Variants in ANXA6 observed in about 807,000 individuals in gnomAD.
ANXA6 encodes the protein annexin A6.
ANXA6 carries 71 observed loss-of-function variants against 95.4 expected under a neutral mutation model. The ratio of observed to expected loss-of-function variants is 0.74; its 90% confidence interval spans 0.61 to 0.91. The LOEUF (loss-of-function observed/expected upper bound fraction) is 0.91. ANXA6 is among the 40% of genes least tolerant of loss of function. The pLI, the probability that ANXA6 is intolerant of heterozygous loss-of-function variation, is 0.00. For synonymous variants in ANXA6, 289 were observed against 315.9 expected (o/e 0.91, Z 0.90); for missense variants, 830 against 876.4 (o/e 0.95, Z 0.67).
rs1765326100 is a variant in ANXA6 at position 151,126,572 on chromosome 5, C to CACACACA, written c.978-93_978-92insTGTGTGT. 1.3e-5 allele frequency: 11 copies of CACACACA among 834,948 alleles called. No homozygotes were observed. The South Asian group carries it at 1.4e-4, about 11-fold the overall frequency. The allele number at this position is 834,948 out of a possible 1,614,324, so 51.7% of individuals were successfully genotyped here. A position where few individuals can be genotyped will look rare whatever the true frequency, so the allele number is the denominator to read the frequency against. ...CACACACACACACACACACACACAC[C>CACACACA]CCAACACATACACACACGTGCACAC... is the stretch of plus-strand genomic sequence containing the variant. On this transcript the variant is annotated intron_variant, in intron 13 of 25. Coordinates refer to ENST00000354546, the MANE Select transcript of ANXA6 (RefSeq NM_001155.5).
chr5:151,106,741 C>T (rs1418682452), intron 23 of ANXA6, among the ~76,000 whole-genome samples: 1 of 152,180 alleles, frequency 6.6e-6, no homozygotes, highest in East Asian at 1.9e-4. Flanking sequence ...TGACTTCAGA[C>T]CTAGGGCTTT....
chr5:151,117,270 T>A (rs1199610241), intron 19 of ANXA6, 90 bp from the exon 20 acceptor site: 4 of 1,281,204 alleles, frequency 3.1e-6, no homozygotes, highest in Non-Finnish European at 4.3e-6. Flanking sequence ...TTTTCACCTC[T>A]CTGAATGCTC....
Position 151,117,761 on chromosome 5 carries a change from G to A in ANXA6, c.1515C>T (p.Ala505=), listed in dbSNP as rs753869090. 1.9e-6 allele frequency: 3 copies of A among 1,613,402 alleles called. No individual in the cohort carries two copies. Among genetic ancestry groups the A allele is most frequent in the East Asian group, 2.2e-5 (1 of 44,864 alleles). The part of the protein sequence containing the change: ...GHFRRILISL[A]TGHREEGGEN... ...TGGGGCCCATGAATTCACTCACCGT[G>A]GCCAGAGAAATGAGGATCCTCCTGA... The change falls in exon 19 of 26, where the codon GCC becomes GCT. Residue 505 remains alanine (A), a synonymous_variant. Transcript: ENST00000354546.
At chr5:151,128,415 G>A (rs1235578716) in intron 12 of ANXA6, 176 bp from the exon 13 acceptor site, 2 of 593,280 alleles carry the variant, frequency 3.4e-6, no homozygotes, top group Non-Finnish European at 6.0e-6. Context: ...CGGGCAGGTT[G>A]GAGGAAGCCC....
chr5:151,138,311 G>A (rs963237944), intron 5 of ANXA6, among the ~76,000 whole-genome samples: 9 of 152,088 alleles, frequency 5.9e-5, no homozygotes, highest in African/African-American at 1.9e-4. Flanking sequence ...TCTGGGCTTT[G>A]GGGCTTAACT....
chr5:151,133,068 A>G (rs777058244), intron 9 of ANXA6, 26 bp downstream of exon 9: 1 of 1,534,610 alleles, frequency 6.5e-7, no homozygotes, highest in Non-Finnish European at 8.9e-7. Context: ...CCAAGGGAGC[A>G]GCTTCAGGTC....
At chr5:151,142,660 C>T (rs1301888195) in intron 2 of ANXA6, among the ~76,000 whole-genome samples, 2 of 152,224 alleles carry the variant, frequency 1.3e-5, no homozygotes, top group Non-Finnish European at 1.5e-5. Context: ...AGCTCTAGCA[C>T]AGGCTTGGCA....
chr5:151,130,156 T>A (rs2113929077), intron 11 of ANXA6, among the ~76,000 whole-genome samples: 1 of 152,346 alleles, frequency 6.6e-6, no homozygotes, highest in East Asian at 1.9e-4. Flanking sequence ...AGGTTTTTGC[T>A]GTACTATTCC....
chr5:151,119,884 A>T (rs934894214), intron 17 of ANXA6, among the ~76,000 whole-genome samples: 1 of 151,858 alleles, frequency 6.6e-6, no homozygotes, highest in Non-Finnish European at 1.5e-5. Flanking sequence ...AAAATGCTAA[A>T]TTTTTTTTCT....
Position 151,122,145 on chromosome 5 carries a change from A to G in ANXA6, c.1347+2T>C. On this transcript the variant is annotated splice_donor_variant, in intron 17 of 25. Coordinates refer to ENST00000354546, the MANE Select transcript of ANXA6 (RefSeq NM_001155.5). LOFTEE classifies it high-confidence loss of function. ...ACTAGACCCCCTGGTGCCACACTGT[A>G]CCTCCATGGCCTTCTTCAACTGCTT... 1 of 1,577,596 alleles carries G rather than the reference A, an allele frequency of 6.3e-7. No homozygotes were observed. The highest frequency in any genetic ancestry group is 8.6e-7 in the Non-Finnish European group (1 of 1,164,902).
chr5:151,104,942 GTTGT>G (rs1418934325), intron 24 of ANXA6, among the ~76,000 whole-genome samples: 2 of 152,212 alleles, frequency 1.3e-5, no homozygotes, highest in Admixed American at 6.5e-5. Flanking sequence ...TTGCACTGAG[GTTGT>G]TTAACAGCAT....
rs1765753418 is a variant in ANXA6 at position 151,139,155 on chromosome 5, C to T, written c.204+198G>A. On this transcript the variant is annotated intron_variant, in intron 4 of 25. Transcript: ENST00000354546. Reference sequence around the variant, plus strand: ...GTGCAGCCCTAACACCTAGCACGAGCCCAGCATACAGCAGGTGCTGTGGGT... The same window carrying T: ...GTGCAGCCCTAACACCTAGCACGAGTCCAGCATACAGCAGGTGCTGTGGGT... 1.0e-5 allele frequency: 6 copies of T among 594,536 alleles called. No individual in the cohort carries two copies. In the Admixed American group the frequency reaches 1.8e-4, roughly 18 times the overall value. The allele number at this position is 594,536 out of a possible 1,614,324, so 36.8% of individuals were successfully genotyped here. A position where few individuals can be genotyped will look rare whatever the true frequency, so the allele number is the denominator to read the frequency against.
At chr5:151,136,416 TGATCA>T in intron 6 of ANXA6, 81 bp from the exon 7 acceptor site, 1 of 1,349,506 alleles carries the variant, frequency 7.4e-7, no homozygotes, top group South Asian at 1.2e-5. Flanking sequence ...GCCCCCAAAA[TGATCA>T]GATATTTTTA....
chr5:151,132,047 C>A (rs1403474786), intron 10 of ANXA6, among the ~76,000 whole-genome samples: 1 of 152,194 alleles, frequency 6.6e-6, no homozygotes, highest in Non-Finnish European at 1.5e-5. Context: ...ACAAAACTAC[C>A]CCTCAGGAAA....
At chr5:151,148,978 C>T (rs1319542953) in intron 1 of ANXA6, among the ~76,000 whole-genome samples, 1 of 151,064 alleles carries the variant, frequency 6.6e-6, no homozygotes, top group Non-Finnish European at 1.5e-5. Flanking sequence ...AGTTCGAGAC[C>T]AGCCTAGGTA....
chr5:151,153,150 A>C (rs754262925), intron 1 of ANXA6, among the ~76,000 whole-genome samples: 24 of 152,152 alleles, frequency 1.6e-4, no homozygotes, highest in Non-Finnish European at 7.3e-5. Flanking sequence ...CTTCTTTGCC[A>C]TCACCACTTT....
At chr5:151,101,645 C>A (rs1271041975) in intron 25 of ANXA6, 138 bp from the exon 26 acceptor site, 4 of 747,636 alleles carry the variant, frequency 5.4e-6, no homozygotes, top group Non-Finnish European at 9.5e-6. Flanking sequence ...CACATGTAGG[C>A]TACTGGGATC....
chr5:151,110,618 G>A lies in ANXA6; in HGVS notation c.1590+9C>T. The A allele has an allele frequency of 6.2e-7, 1 of 1,613,200 alleles. No individual in the cohort carries two copies. Among genetic ancestry groups the A allele is most frequent in the Non-Finnish European group, 8.5e-7 (1 of 1,179,438 alleles). ...CCGTTAAAACCCAAATGAAGAACAGGACACTCACCAAGATCTCAGCAGCCA... is the reference window on the plus strand; with the variant it reads ...CCGTTAAAACCCAAATGAAGAACAGAACACTCACCAAGATCTCAGCAGCCA... On this transcript the variant is annotated intron_variant, in intron 21 of 25. Transcript: ENST00000354546.
chr5:151,128,275 GC>G, intron 12 of ANXA6, 36 bp from the exon 13 acceptor site: 1 of 1,565,178 alleles, frequency 6.4e-7, no homozygotes, highest in East Asian at 2.3e-5. Flanking sequence ...CTCTCACCCA[GC>G]CCTGGGCTCC....
Sources: allele counts gnomAD v4.1 joint callset (sites outside exome capture counted in the v4.1 genomes callset), GRCh38; gene constraint gnomAD v4.1.1; transcripts MANE v1.5; gene names NCBI Gene and HGNC (gene_info 2026-07-23, HGNC 2026-07-21).